Variants in TRPS1 observed in about 807,000 individuals in gnomAD.
TRPS1 encodes transcriptional repressor GATA binding 1, also known as zinc finger transcription factor Trps1.
TRPS1 carries 6 observed loss-of-function variants against 101.2 expected under a neutral mutation model. That is an observed-to-expected ratio of 0.06 (90% CI 0.03 to 0.12). The LOEUF (loss-of-function observed/expected upper bound fraction) is 0.12, where lower values mean the gene tolerates loss of function less well. Ranked by LOEUF, TRPS1 falls within the 10% of genes least tolerant of loss-of-function variation. The probability of loss-of-function intolerance (pLI) is 1.00; values close to 1 mark genes in which losing one functional copy is unlikely to be tolerated. For missense variants in TRPS1, 1,363 were observed against 1,567.0 expected (o/e 0.87, Z 2.20); for synonymous variants, 578 against 589.8 (o/e 0.98, Z 0.29).
At chr8:115,545,817 A>G (rs1023871719) in intron 5 of TRPS1, among the ~76,000 whole-genome samples, 2 of 152,112 alleles carry the variant, frequency 1.3e-5, no homozygotes, top group Non-Finnish European at 2.9e-5. Context: ...AAATGGCTTC[A>G]TTGTTTTATT....
At chr8:115,498,405 C>CTG (rs1815210805) in intron 5 of TRPS1, among the ~76,000 whole-genome samples, 2 of 85,668 alleles carry the variant, frequency 2.3e-5, no homozygotes, top group Admixed American at 1.3e-4. Flanking sequence ...CTCTCTCTCT[C>CTG]TCTCTCTCTC....
rs10588354 is a variant in TRPS1, at chr8:115,562,876, CTGTGTGTGTGTGTG to C, written c.2700+24111_2700+24124del. ...TGCCTACTCCCCCTACCCACAGTGT[CTGTGTGTGTGTGTG>C]TGTGTGTGTGTGTGTGTGTGTGTGT... On this transcript the variant is annotated intron_variant, in intron 5 of 6. Transcript: ENST00000395715. Among the ~76,000 whole-genome samples, 230 of 132,678 alleles carry C rather than the reference CTGTGTGTGTGTGTG, an allele frequency of 1.7e-3. 2 individuals are homozygous for C. The highest frequency in any genetic ancestry group is 5.0e-3 in the African/African-American group (185 of 36,924). 87.0% of individuals were successfully genotyped at this position (132,678 alleles called of 152,430 possible). A position where few individuals can be genotyped will look rare whatever the true frequency, so the allele number is the denominator to read the frequency against.
intron 4 of TRPS1, among the ~76,000 whole-genome samples, chr8:115,599,564 C>T (rs1817863108): frequency 1.3e-5 from 2 of 152,084 alleles, no homozygotes; most frequent in East Asian, 3.9e-4. Flanking sequence ...CATTGTTCAA[C>T]TCCCACTTAT....
chr8:115,455,975 A>G (rs800886), intron 5 of TRPS1, among the ~76,000 whole-genome samples: 71,203 of 151,146 alleles, frequency 0.47, 18,028 homozygotes, highest in African/African-American at 0.65. Context: ...TAGTAGAGAC[A>G]GGGTTTCACC....
rs150116706 is a variant in TRPS1, at chr8:115,607,510, G to A, written c.967-2508C>T. ...AAGGGCTATATATTTTAATTATGCT[G>A]AAGAATGAATACCTTCATACTATTG... On this transcript the variant is annotated intron_variant, in intron 3 of 6. Coordinates refer to ENST00000395715, the MANE Select transcript of TRPS1 (RefSeq NM_014112.5). Among the ~76,000 whole-genome samples, 934 of 150,848 alleles carry A rather than the reference G, an allele frequency of 6.2e-3. 5 individuals are homozygous for A. The highest frequency in any genetic ancestry group is 0.021 in the Middle Eastern group (6 of 288).
chr8:115,578,794 T>C (rs1454943854), intron 5 of TRPS1, among the ~76,000 whole-genome samples: 1 of 152,174 alleles, frequency 6.6e-6, no homozygotes, highest in African/African-American at 2.4e-5. Flanking sequence ...TATTGTATTA[T>C]CCAACTCTTT....
chr8:115,573,047 C>T (rs914363555), intron 5 of TRPS1, among the ~76,000 whole-genome samples: 1 of 151,946 alleles, frequency 6.6e-6, no homozygotes, highest in Non-Finnish European at 1.5e-5. Context: ...TCGCTTGAAC[C>T]CAGGAGGTGG....
In TRPS1 at chr8:115,417,790, C is replaced by T. The variant is rs1812957676; in HGVS notation, c.2823+540G>A. ...CTCATTGAAATACCCACTGAAGGCC[C>T]TGGGGAGATTCATGTGATATTCTCT... On this transcript the variant is annotated intron_variant, in intron 6 of 6. Transcript: ENST00000395715. 2.0e-5 allele frequency among the ~76,000 whole-genome samples: 3 copies of T among 152,126 alleles called. No individual in the cohort carries two copies. The South Asian group carries it at 6.2e-4, about 31-fold the overall frequency.
intron 5 of TRPS1, among the ~76,000 whole-genome samples, chr8:115,552,326 T>C (rs1281084555): frequency 6.6e-6 from 1 of 152,170 alleles, no homozygotes; most frequent in African/African-American, 2.4e-5. Flanking sequence ...TTACATAATG[T>C]ACTTTACAAT....
At chr8:115,456,262 C>A (rs764283133) in intron 5 of TRPS1, among the ~76,000 whole-genome samples, 6 of 151,992 alleles carry the variant, frequency 3.9e-5, no homozygotes, top group Non-Finnish European at 8.8e-5. Context: ...GTGTCAAGAA[C>A]CTCTGTATAC....
chr8:115,473,817 A>G (rs774058096), intron 5 of TRPS1, among the ~76,000 whole-genome samples: 19 of 152,236 alleles, frequency 1.2e-4, no homozygotes, highest in Admixed American at 3.9e-4. Flanking sequence ...CCATAAAAAC[A>G]TGGCATTTTC....
In TRPS1 at chr8:115,632,302, A is replaced by C. The variant is rs113363758; in HGVS notation, c.-121-8544T>G. 3.3e-3 allele frequency among the ~76,000 whole-genome samples: 509 copies of C among 152,276 alleles called. 5 individuals are homozygous for C. Among genetic ancestry groups the C allele is most frequent in the African/African-American group, 0.012 (483 of 41,568 alleles). On this transcript the variant is annotated intron_variant, in intron 1 of 6. Coordinates refer to ENST00000395715, the MANE Select transcript of TRPS1 (RefSeq NM_014112.5). Reference sequence around the variant, plus strand: ...TGTATTCTCCAACATTCCAAAACTCAAAATATACTATACAAGTAGCATAAT... The same window carrying C: ...TGTATTCTCCAACATTCCAAAACTCCAAATATACTATACAAGTAGCATAAT...
At chr8:115,641,302 A>G (rs1208399390) in intron 1 of TRPS1, among the ~76,000 whole-genome samples, 1 of 152,240 alleles carries the variant, frequency 6.6e-6, no homozygotes, top group Non-Finnish European at 1.5e-5. Flanking sequence ...CAAAATTTAG[A>G]AACTGCCGCA....
rs1422309602 is a variant in TRPS1 at position 115,413,701 on chromosome 8, TTATAAA to T, written c.*316_*321del. 2 of 271,642 alleles carry T rather than the reference TTATAAA, an allele frequency of 7.4e-6. No homozygotes were observed. Among genetic ancestry groups the T allele is most frequent in the Non-Finnish European group, 1.4e-5 (2 of 143,148 alleles). The allele number at this position is 271,642 out of a possible 1,614,324, so 16.8% of individuals were successfully genotyped here. A position where few individuals can be genotyped will look rare whatever the true frequency, so the allele number is the denominator to read the frequency against. On this transcript the variant is annotated 3_prime_UTR_variant, in exon 7 of 7. Transcript: ENST00000395715. ...TTCTAGACAGTTTTGGTCTCTTTCT[TTATAAA>T]TATATTAATTCTAGTCTGGTGATAT...
chr8:115,583,267 T>G (rs1017643478), intron 5 of TRPS1, among the ~76,000 whole-genome samples: 1 of 75,470 alleles, frequency 1.3e-5, no homozygotes, highest in Non-Finnish European at 2.2e-5. Context: ...TAGATGTACA[T>G]CATAAAAAAA....
intron 3 of TRPS1, among the ~76,000 whole-genome samples, chr8:115,614,340 T>A (rs1341330707): frequency 6.6e-6 from 1 of 152,214 alleles, no homozygotes; most frequent in Non-Finnish European, 1.5e-5. Context: ...AAATTATACA[T>A]GTTCCTTTAA....
chr8:115,457,791 G>A (rs1814066235), intron 5 of TRPS1, among the ~76,000 whole-genome samples: 1 of 152,196 alleles, frequency 6.6e-6, no homozygotes, highest in Admixed American at 6.5e-5. Flanking sequence ...GGCAGAGCTG[G>A]AGGAACAGTA....
intron 5 of TRPS1, among the ~76,000 whole-genome samples, chr8:115,560,301 A>T (rs1816917385): frequency 6.6e-6 from 1 of 152,164 alleles, no homozygotes; most frequent in South Asian, 2.1e-4. Flanking sequence ...GGAATCCACG[A>T]AGAAAAATTT....
intron 1 of TRPS1, among the ~76,000 whole-genome samples, chr8:115,659,481 AAAT>A (rs1318427826): frequency 6.6e-6 from 1 of 151,904 alleles, no homozygotes; most frequent in Admixed American, 6.6e-5. Context: ...GTATATCAAA[AAAT>A]AATCGATAAA....
Sources: gnomAD v4.1 joint callset for allele counts (sites outside exome capture counted in the v4.1 genomes callset) on GRCh38, gnomAD v4.1.1 for gene constraint, MANE v1.5 for transcripts, NCBI Gene and HGNC (gene_info 2026-07-23, HGNC 2026-07-21) for gene names.